The following SHROOM2 variants were observed in gnomAD, a reference collection of about 807,000 sequenced individuals.
SHROOM2 encodes shroom family member 2, also known as protein Shroom2.
Under a neutral mutation model 75.9 loss-of-function variants are expected in SHROOM2, and 33 were observed. The ratio of observed to expected loss-of-function variants is 0.43; its 90% CI spans 0.33 to 0.58. The LOEUF (loss-of-function observed/expected upper bound fraction) is 0.58. Among genes scored for constraint, SHROOM2 ranks in the 20% least tolerant of loss-of-function variants. SHROOM2 has a pLI of 0.04. For missense variants in SHROOM2, 1,434 were observed against 1,461.2 expected (o/e 0.98, Z 0.30); for synonymous variants, 655 against 663.6 (o/e 0.99, Z 0.20).
chrX:9,834,078 G>A (rs2083930999), intron 1 of SHROOM2, among the ~76,000 whole-genome samples: 1 of 112,534 alleles, frequency 8.9e-6, no homozygotes. Context: ...TAAGATGGGG[G>A]GATGCCACTG....
chrX:9,796,468 A>G (rs979073478), intron 1 of SHROOM2, among the ~76,000 whole-genome samples: 1 of 110,956 alleles, frequency 9.0e-6, no homozygotes, highest in African/African-American at 3.3e-5. Flanking sequence ...TAAAAAATAC[A>G]TCTAATGCCC....
At chrX:9,811,395 G>T (rs2146740816) in intron 1 of SHROOM2, among the ~76,000 whole-genome samples, 1 of 112,053 alleles carries the variant, frequency 8.9e-6, no homozygotes, top group South Asian at 3.8e-4. Context: ...TCCACAGAAA[G>T]GGTCATCCTA....
At chrX:9,815,444 GT>G (rs2083814250) in intron 1 of SHROOM2, among the ~76,000 whole-genome samples, 8 of 22,542 alleles carry the variant, frequency 3.5e-4, no homozygotes, top group Non-Finnish European at 7.4e-4. Context: ...ATGTGTGTGT[GT>G]GTGTGTGTGT....
At position 9,893,991 on chromosome X, in the gene SHROOM2, C is replaced by T. The variant is rs766237642; in HGVS notation, c.450-367C>T. ...AACCAAAATCAACAACAACAACAACCTGAGTTGTGGTGTGGCCACCCCTGC... is the reference window on the plus strand; with the variant it reads ...AACCAAAATCAACAACAACAACAACTTGAGTTGTGGTGTGGCCACCCCTGC... On this transcript the variant is annotated intron_variant, in intron 3 of 9. Transcript: ENST00000380913. Among the ~76,000 whole-genome samples, 7 of 110,520 alleles carry T rather than the reference C, an allele frequency of 6.3e-5. No individual in the cohort carries two copies. The Admixed American group carries it at 6.7e-4, about 11-fold the overall frequency.
At chrX:9,829,478 C>G (rs2083904706) in intron 1 of SHROOM2, among the ~76,000 whole-genome samples, 1 of 111,953 alleles carries the variant, frequency 8.9e-6, no homozygotes, top group East Asian at 2.8e-4. Flanking sequence ...GGACCAGAGC[C>G]ATCCTTTGGA....
intron 2 of SHROOM2, among the ~76,000 whole-genome samples, chrX:9,875,575 A>G (rs1371743087): frequency 1.8e-5 from 2 of 111,867 alleles, no homozygotes; most frequent in Non-Finnish European, 3.8e-5. Context: ...TGATGGAGAC[A>G]CCAGCTTAGT....
At chrX:9,822,270 G>C (rs2083857089) in intron 1 of SHROOM2, among the ~76,000 whole-genome samples, 1 of 111,695 alleles carries the variant, frequency 9.0e-6, no homozygotes, top group Admixed American at 9.4e-5. Flanking sequence ...CCCCTGGGCT[G>C]AGGAGCTAGT....
chrX:9,882,178 C>CTTTTTTTTTTT (rs386416608), intron 2 of SHROOM2, among the ~76,000 whole-genome samples: 7 of 71,011 alleles, frequency 9.9e-5, no homozygotes, highest in Non-Finnish European at 1.5e-4. Context: ...TCCCTTGTTG[C>CTTTTTTTTTTT]TTTTTTTTTT....
intron 8 of SHROOM2, among the ~76,000 whole-genome samples, chrX:9,943,633 G>A: frequency 8.9e-6 from 1 of 111,806 alleles, no homozygotes; most frequent in East Asian, 2.8e-4. Flanking sequence ...GGTGACAGGT[G>A]CATCGCAGCA....
At chrX:9,891,353 G>A (rs927689365) in intron 3 of SHROOM2, among the ~76,000 whole-genome samples, 1 of 112,520 alleles carries the variant, frequency 8.9e-6, no homozygotes, top group Non-Finnish European at 1.9e-5. Flanking sequence ...TTTGGGATTG[G>A]CCAGGTGGGA....
intron 1 of SHROOM2, among the ~76,000 whole-genome samples, chrX:9,834,055 T>G (rs985481321): frequency 8.9e-6 from 1 of 112,521 alleles, no homozygotes; most frequent in Admixed American, 9.4e-5. Context: ...TCCAGAGGTA[T>G]TTTTGGTTGT....
chrX:9,937,101 C>T (rs1602021675), intron 6 of SHROOM2, 33 bp from the exon 7 acceptor site: 1 of 1,149,696 alleles, frequency 8.7e-7, no homozygotes, highest in East Asian at 3.2e-5. Flanking sequence ...CTGGAGCATG[C>T]TTTGCGATTT....
intron 1 of SHROOM2, among the ~76,000 whole-genome samples, chrX:9,813,901 G>T (rs988031393): frequency 2.7e-5 from 3 of 111,850 alleles, no homozygotes; most frequent in African/African-American, 9.8e-5. Flanking sequence ...TCATCACTTG[G>T]CTCCTGCCAC....
chrX:9,932,312 G>A lies in SHROOM2; in HGVS notation c.3029G>A (p.Gly1010Asp). 8.3e-7 allele frequency: 1 copy of A among 1,208,399 alleles called. No homozygotes were observed. The highest frequency in any genetic ancestry group is 1.1e-6 in the Non-Finnish European group (1 of 893,662). The change falls in exon 6 of 10, where the codon GGC becomes GAC. Residue 1010 changes from glycine to aspartate, a missense_variant. Physicochemically the swap from Gly to Asp is moderately conservative, Grantham distance 94. This residue lies in a region of SHROOM2 where 1,340 missense variants were observed against 1,338.3 expected (regional missense o/e 1.00). Transcript: ENST00000380913. ...CCAGAGCTGCCCCGGGAGGGCCGGG[G>A]CCGAGCGGGAACCCTACCTCGAGAT... ...GAPELPREGR[G>D]RAGTLPRDYR...
chrX:9,872,668 G>A (rs1465140913), intron 1 of SHROOM2, among the ~76,000 whole-genome samples: 1 of 112,405 alleles, frequency 8.9e-6, no homozygotes, highest in South Asian at 3.7e-4. Context: ...GCACTGAGTA[G>A]TGAATATCTT....
chrX:9,823,756 C>CTTTTTTTTTTTTT (rs1293537759), intron 1 of SHROOM2, among the ~76,000 whole-genome samples: 1 of 85,915 alleles, frequency 1.2e-5, no homozygotes, highest in African/African-American at 4.2e-5. Flanking sequence ...TTTCTTTTTT[C>CTTTTTTTTTTTTT]TTTTTTCTTT....
chrX:9,910,184 T>TCA (rs1413530146), intron 5 of SHROOM2, among the ~76,000 whole-genome samples: 1 of 110,909 alleles, frequency 9.0e-6, no homozygotes, highest in Non-Finnish European at 1.9e-5. Flanking sequence ...CTGAGTATGA[T>TCA]GCAGTACCTG....
At chrX:9,909,191 G>A (rs894030840) in intron 5 of SHROOM2, among the ~76,000 whole-genome samples, 1 of 111,129 alleles carries the variant, frequency 9.0e-6, no homozygotes, top group African/African-American at 3.3e-5. Context: ...TGACAACAGT[G>A]TGGGTATGTC....
At chrX:9,899,635 G>C (rs1383695158) in intron 5 of SHROOM2, among the ~76,000 whole-genome samples, 1 of 112,384 alleles carries the variant, frequency 8.9e-6, no homozygotes, top group Non-Finnish European at 1.9e-5. Context: ...TTGATATTGT[G>C]TGTGTGCTTG....
Sources: allele counts gnomAD v4.1 joint callset (sites outside exome capture counted in the v4.1 genomes callset), GRCh38; gene constraint gnomAD v4.1.1; regional missense constraint gnomAD v4.1.1; transcripts MANE v1.5; gene names NCBI Gene and HGNC (gene_info 2026-07-23, HGNC 2026-07-21).